The following DGKI variants were observed in gnomAD, a reference collection of about 807,000 sequenced individuals.
The protein encoded by DGKI is DAG kinase iota.
Under a neutral mutation model 147.5 loss-of-function variants are expected in DGKI, and 55 were observed. The ratio of observed to expected loss-of-function variants is 0.37; its 90% CI spans 0.30 to 0.47. DGKI has a LOEUF of 0.47. Among genes scored for constraint, DGKI ranks in the 20% least tolerant of loss-of-function variants. The pLI, the probability that DGKI is intolerant of heterozygous loss-of-function variation, is 1.00. For synonymous variants in DGKI, 469 were observed against 477.1 expected (o/e 0.98, Z 0.22); for missense variants, 1,007 against 1,323.8 (o/e 0.76, Z 3.71).
chr7:137,549,539 C>T (rs190527155), intron 20 of DGKI, among the ~76,000 whole-genome samples: 5 of 152,232 alleles, frequency 3.3e-5, no homozygotes, highest in African/African-American at 4.8e-5. Flanking sequence ...AAGATATTTT[C>T]GACTAGTTCT....
At chr7:137,545,873 G>A (rs1460157340) in intron 20 of DGKI, 5 of 698,002 alleles carry the variant, frequency 7.2e-6, no homozygotes, top group African/African-American at 1.7e-5. Context: ...GGGAGAAAAT[G>A]TAGAAACAGA....
At chr7:137,806,600 A>AT (rs1797373792) in intron 1 of DGKI, among the ~76,000 whole-genome samples, 1 of 151,932 alleles carries the variant, frequency 6.6e-6, no homozygotes, top group South Asian at 2.1e-4. Context: ...CGCCCGGCTA[A>AT]TTTTTTGTAT....
chr7:137,742,873 G>C (rs539159554), intron 1 of DGKI, among the ~76,000 whole-genome samples: 1 of 152,170 alleles, frequency 6.6e-6, no homozygotes, highest in Non-Finnish European at 1.5e-5. Flanking sequence ...ATCGAAGGCT[G>C]TTTTATTACA....
Position 137,463,593 on chromosome 7 carries a change from A to G in DGKI, c.2631T>C (p.Asn877=). 1 of 1,614,170 alleles carries G rather than the reference A, an allele frequency of 6.2e-7. No homozygotes were observed. The highest frequency in any genetic ancestry group is 1.1e-5 in the South Asian group (1 of 91,082). ...EQASGISDWW[N]PALRKRMLSD... ...TCAGCATGCGTTTCCGCAGGGCAGG[A>G]TTCCACCAGTCTGAGATCCTGAGAG... Residue 877 remains asparagine (N), a synonymous_variant, in exon 27 of 33, where the codon AAT becomes AAC. Transcript: ENST00000614521.
rs180734801 is a variant in DGKI at position 137,577,713 on chromosome 7, T to C, written c.1699-429A>G. Among the ~76,000 whole-genome samples, 938 of 152,312 alleles carry C rather than the reference T, an allele frequency of 6.2e-3. 7 individuals are homozygous for C. Among genetic ancestry groups the C allele is most frequent in the African/African-American group, 0.022 (914 of 41,568 alleles). On this transcript the variant is annotated intron_variant, in intron 16 of 32. Coordinates refer to ENST00000614521, the MANE Select transcript of DGKI (RefSeq NM_001321708.2). ...CTTTTATTTAAACTCCTCCTATCGATTGGCATAAATTTAAACTGTACTGAT... is the reference window on the plus strand; with the variant it reads ...CTTTTATTTAAACTCCTCCTATCGACTGGCATAAATTTAAACTGTACTGAT...
intron 21 of DGKI, among the ~76,000 whole-genome samples, chr7:137,504,455 T>G (rs1370769515): frequency 6.6e-6 from 1 of 152,110 alleles, no homozygotes; most frequent in Non-Finnish European, 1.5e-5. Context: ...TAAATATATA[T>G]ATGAATTGTG....
chr7:137,399,695 A>C (rs546101364), intron 30 of DGKI, among the ~76,000 whole-genome samples: 4 of 152,184 alleles, frequency 2.6e-5, no homozygotes, highest in Non-Finnish European at 5.9e-5. Context: ...GGATCATTTG[A>C]GGTCAGGAAT....
intron 21 of DGKI, among the ~76,000 whole-genome samples, chr7:137,501,872 C>T (rs926946577): frequency 4.6e-5 from 7 of 152,106 alleles, no homozygotes; most frequent in Admixed American, 2.0e-4. Flanking sequence ...CCCATAATTC[C>T]CACATGTTGT....
chr7:137,747,107 T>A (rs1795362015), intron 1 of DGKI, among the ~76,000 whole-genome samples: 1 of 152,094 alleles, frequency 6.6e-6, no homozygotes, highest in Non-Finnish European at 1.5e-5. Context: ...AAAAGTGTAA[T>A]CCTATTTTTT....
At chr7:137,721,883 G>C (rs1398429943) in intron 1 of DGKI, 2 of 704,654 alleles carry the variant, frequency 2.8e-6, no homozygotes, top group South Asian at 4.1e-5. Context: ...TGCCCAGAAT[G>C]CTAACTTCTG....
intron 1 of DGKI, among the ~76,000 whole-genome samples, chr7:137,786,513 GAATC>G (rs1332086064): frequency 3.9e-5 from 6 of 152,030 alleles, no homozygotes; most frequent in Non-Finnish European, 8.8e-5. Context: ...TGAGTGGGTA[GAATC>G]AATATTGTGA....
intron 1 of DGKI, among the ~76,000 whole-genome samples, chr7:137,781,143 A>C (rs946802326): frequency 2.0e-5 from 3 of 152,152 alleles, no homozygotes; most frequent in Non-Finnish European, 4.4e-5. Context: ...AGTGTCTTCC[A>C]TGAACAAGGT....
intron 21 of DGKI, among the ~76,000 whole-genome samples, chr7:137,507,795 T>A (rs1750498511): frequency 6.6e-6 from 1 of 152,086 alleles, no homozygotes; most frequent in Non-Finnish European, 1.5e-5. Context: ...ACTGATGATA[T>A]CTTTGTGGCA....
chr7:137,426,264 A>G (rs989523407), intron 28 of DGKI, among the ~76,000 whole-genome samples: 1 of 152,202 alleles, frequency 6.6e-6, no homozygotes, highest in Non-Finnish European at 1.5e-5. Flanking sequence ...TAAAGACAAG[A>G]ATTTCCAACC....
At chr7:137,760,316 C>T (rs1795819448) in intron 1 of DGKI, among the ~76,000 whole-genome samples, 1 of 152,214 alleles carries the variant, frequency 6.6e-6, no homozygotes. Flanking sequence ...ATGCTGAGCG[C>T]CTTTGCCAGT....
At chr7:137,424,201 A>G (rs1407877976) in intron 28 of DGKI, among the ~76,000 whole-genome samples, 2 of 152,238 alleles carry the variant, frequency 1.3e-5, no homozygotes, top group Non-Finnish European at 2.9e-5. Context: ...AAGAATTGTT[A>G]TGTAAATGGT....
At chr7:137,731,664 G>A (rs1277563677) in intron 1 of DGKI, among the ~76,000 whole-genome samples, 2 of 151,988 alleles carry the variant, frequency 1.3e-5, no homozygotes, top group East Asian at 1.9e-4. Context: ...TTGCATTCTT[G>A]CCCTTGCCTG....
intron 23 of DGKI, among the ~76,000 whole-genome samples, chr7:137,475,573 C>T (rs1815142205): frequency 6.6e-6 from 1 of 152,168 alleles, no homozygotes; most frequent in Non-Finnish European, 1.5e-5. Flanking sequence ...TATTCTTTTT[C>T]CTGTGATACA....
intron 2 of DGKI, among the ~76,000 whole-genome samples, chr7:137,688,211 C>T (rs1470349323): frequency 6.6e-6 from 1 of 152,118 alleles, no homozygotes; most frequent in Non-Finnish European, 1.5e-5. Flanking sequence ...CCACAGGATT[C>T]TAAGACCCTT....
Sources: gnomAD v4.1 joint callset for allele counts (sites outside exome capture counted in the v4.1 genomes callset) on GRCh38, gnomAD v4.1.1 for gene constraint, MANE v1.5 for transcripts, NCBI Gene and HGNC (gene_info 2026-07-23, HGNC 2026-07-21) for gene names.